ZFPM2: variants seen among roughly 807,000 people sequenced by gnomAD.
The protein encoded by ZFPM2 is zinc finger protein, FOG family member 2, also known as zinc finger protein ZFPM2.
ZFPM2 carries 20 observed loss-of-function variants against 98.6 expected under a neutral mutation model. The ratio of observed to expected loss-of-function variants is 0.20; its 90% CI spans 0.14 to 0.29. The LOEUF is 0.29. ZFPM2 is among the 10% of genes least tolerant of loss of function. The pLI, the probability that ZFPM2 is intolerant of heterozygous loss-of-function variation, is 1.00. For missense variants in ZFPM2, 1,310 were observed against 1,388.6 expected (o/e 0.94, Z 0.90); for synonymous variants, 518 against 502.7 (o/e 1.03, Z -0.41).
At chr8:105,657,442 A>T (rs1356924882) in intron 5 of ZFPM2, among the ~76,000 whole-genome samples, 1 of 152,052 alleles carries the variant, frequency 6.6e-6, no homozygotes, top group Non-Finnish European at 1.5e-5. Context: ...CCTGGCCGTA[A>T]TGCTCTTCTA....
At chr8:105,642,045 G>A (rs2165646) in intron 5 of ZFPM2, among the ~76,000 whole-genome samples, 31,009 of 151,966 alleles carry the variant, frequency 0.2, 3,159 homozygotes, top group South Asian at 0.25. Flanking sequence ...GTGACTCACT[G>A]TCATTCAAGG....
intron 6 of ZFPM2, among the ~76,000 whole-genome samples, chr8:105,790,268 T>C (rs928726821): frequency 3.7e-4 from 56 of 150,824 alleles, no homozygotes; most frequent in African/African-American, 1.3e-3. Context: ...TTGTATAAGG[T>C]GTAAGGAAGG....
At chr8:105,788,600 C>T (rs1813492480) in intron 5 of ZFPM2, 118 bp from the exon 6 acceptor site, 2 of 983,400 alleles carry the variant, frequency 2.0e-6, no homozygotes, top group Non-Finnish European at 3.1e-6. Context: ...ATCAAACACT[C>T]CACTCCAGTA....
At chr8:105,569,234 C>A (rs1444133060) in intron 4 of ZFPM2, among the ~76,000 whole-genome samples, 2 of 152,158 alleles carry the variant, frequency 1.3e-5, no homozygotes, top group Non-Finnish European at 2.9e-5. Flanking sequence ...TCTATCCTTC[C>A]CACTTAGAAC....
At chr8:105,575,409 A>G (rs933545623) in intron 4 of ZFPM2, among the ~76,000 whole-genome samples, 5 of 152,094 alleles carry the variant, frequency 3.3e-5, no homozygotes, top group Non-Finnish European at 5.9e-5. Context: ...CTGATAAGGG[A>G]AAAGAGGATT....
chr8:105,491,274 T>C (rs1267281675), intron 3 of ZFPM2, among the ~76,000 whole-genome samples: 1 of 152,110 alleles, frequency 6.6e-6, no homozygotes, highest in Non-Finnish European at 1.5e-5. Flanking sequence ...CCTTTCATAG[T>C]GAGAAGAGTA....
chr8:105,801,574 C>G lies in ZFPM2; in HGVS notation c.1492C>G (p.Leu498Val), dbSNP rs1305413478. The change falls in exon 8 of 8, where the codon CTA becomes GTA. Residue 498 changes from leucine to valine, a missense_variant. By Grantham distance (32) the Leu-to-Val change is conservative. Coordinates refer to ENST00000407775, the MANE Select transcript of ZFPM2 (RefSeq NM_012082.4). The stretch of plus-strand genomic sequence containing the variant: ...GCCTTCTTTCCCTGTGGGCCCTTTC[C>G]TATCTCAGTTTTCTTTCCCCCAAGA... ...IGPSFPVGPF[L>V]SQFSFPQDIT... is the part of the protein sequence containing the mutation. The G allele has an allele frequency of 1.2e-6, 2 of 1,613,756 alleles. No homozygotes were observed. The highest frequency in any genetic ancestry group is 1.7e-5 in the Admixed American group (1 of 59,986).
intron 3 of ZFPM2, among the ~76,000 whole-genome samples, chr8:105,505,194 G>T (rs1813674934): frequency 6.6e-6 from 1 of 152,214 alleles, no homozygotes; most frequent in African/African-American, 2.4e-5. Context: ...AAGGTTAGCT[G>T]CTGTGAGAAT....
intron 4 of ZFPM2, among the ~76,000 whole-genome samples, chr8:105,577,790 G>A (rs1451284301): frequency 6.7e-6 from 1 of 149,222 alleles, no homozygotes; most frequent in African/African-American, 2.5e-5. Context: ...AAAAAAAAAA[G>A]TGAGAAATGA....
chr8:105,547,081 TA>T (rs1814723800), intron 3 of ZFPM2, among the ~76,000 whole-genome samples: 1 of 152,144 alleles, frequency 6.6e-6, no homozygotes, highest in Non-Finnish European at 1.5e-5. Flanking sequence ...AAATTGAAAG[TA>T]AGGTGCTCAA....
At position 105,745,867 on chromosome 8, in the gene ZFPM2, C is replaced by A. The variant is rs542283127; in HGVS notation, c.533-42851C>A. On this transcript the variant is annotated intron_variant, in intron 5 of 7. Coordinates refer to ENST00000407775, the MANE Select transcript of ZFPM2 (RefSeq NM_012082.4). ...CTCTGCCTCTGGGGTTCAAGTGATT[C>A]TCATGCCTCAGCCTCCTGAGTAGCT... Among the ~76,000 whole-genome samples, 23 of 152,068 alleles carry A rather than the reference C, an allele frequency of 1.5e-4. 1 individual carries two copies. Among genetic ancestry groups the A allele is most frequent in the Admixed American group, 5.2e-4 (8 of 15,256 alleles).
At chr8:105,695,499 C>G (rs6982396) in intron 5 of ZFPM2, among the ~76,000 whole-genome samples, 19,223 of 148,810 alleles carry the variant, frequency 0.13, 1,706 homozygotes, top group East Asian at 0.5. Context: ...CAGGAAAGCA[C>G]TTGTAGTAGC....
intron 3 of ZFPM2, among the ~76,000 whole-genome samples, chr8:105,492,197 A>G (rs1217057789): frequency 6.6e-6 from 1 of 152,174 alleles, no homozygotes; most frequent in Non-Finnish European, 1.5e-5. Flanking sequence ...TCTGCATTAG[A>G]CAGTAATTAT....
intron 3 of ZFPM2, among the ~76,000 whole-genome samples, chr8:105,529,634 G>A (rs553668508): frequency 1.1e-3 from 166 of 148,312 alleles, no homozygotes; most frequent in East Asian, 1.8e-3. Flanking sequence ...AGGACCAAGT[G>A]AGCCCACATT....
intron 5 of ZFPM2, among the ~76,000 whole-genome samples, chr8:105,748,376 A>G (rs1812397899): frequency 6.6e-6 from 1 of 152,080 alleles, no homozygotes; most frequent in African/African-American, 2.4e-5. Flanking sequence ...TGTTAATTAA[A>G]TATTAGGCTA....
At chr8:105,750,602 G>GAGATC (rs1431895654) in intron 5 of ZFPM2, among the ~76,000 whole-genome samples, 2 of 151,974 alleles carry the variant, frequency 1.3e-5, no homozygotes, top group African/African-American at 4.8e-5. Flanking sequence ...GGATACTTGA[G>GAGATC]AGATCAGAGA....
intron 3 of ZFPM2, among the ~76,000 whole-genome samples, chr8:105,489,584 C>G (rs1193133171): frequency 6.6e-6 from 1 of 150,922 alleles, no homozygotes; most frequent in African/African-American, 2.4e-5. Context: ...CTGCCTCAGC[C>G]TCCCCAGTAG....
At chr8:105,450,633 A>G (rs1267322119) in intron 3 of ZFPM2, among the ~76,000 whole-genome samples, 1 of 152,078 alleles carries the variant, frequency 6.6e-6, no homozygotes, top group African/African-American at 2.4e-5. Flanking sequence ...GCTCTGTACC[A>G]CTATAATGAA....
chr8:105,426,777 C>T (rs918830294), intron 2 of ZFPM2, among the ~76,000 whole-genome samples: 1 of 138,878 alleles, frequency 7.2e-6, no homozygotes, highest in Middle Eastern at 3.5e-3. Flanking sequence ...GAAATCCCAT[C>T]TCTAAAAATA....
Sources: allele counts gnomAD v4.1 joint callset (sites outside exome capture counted in the v4.1 genomes callset), GRCh38; gene constraint gnomAD v4.1.1; transcripts MANE v1.5; gene names NCBI Gene and HGNC (gene_info 2026-07-23, HGNC 2026-07-21).